The following SYNE2 variants were observed in gnomAD, a reference collection of about 807,000 sequenced individuals.
SYNE2 encodes the protein spectrin repeat containing nuclear envelope protein 2.
Under a neutral mutation model 856.3 loss-of-function variants are expected in SYNE2, and 431 were observed. The observed-to-expected ratio is 0.50, with a 90% CI of 0.47 to 0.55. The LOEUF (loss-of-function observed/expected upper bound fraction) is 0.55, where lower values mean the gene tolerates loss of function less well. SYNE2 is among the 20% of genes least tolerant of loss of function. The probability of loss-of-function intolerance (pLI) is 0.00; values close to 1 mark genes in which losing one functional copy is unlikely to be tolerated. For missense variants in SYNE2, 8,129 were observed against 8,023.2 expected, an observed-to-expected ratio of 1.01 and a Z score of -0.50; for synonymous variants, 2,923 against 2,872.3, an observed-to-expected ratio of 1.02 and a Z score of -0.56.
intron 2 of SYNE2, among the ~76,000 whole-genome samples, chr14:63,924,444 G>T (rs1192079578): frequency 6.6e-6 from 1 of 152,116 alleles, no homozygotes; most frequent in African/African-American, 2.4e-5. Flanking sequence ...TGTAGATCAA[G>T]TTGGAAAGTA....
At position 64,006,738 on chromosome 14, in the gene SYNE2, G is replaced by A. The variant is rs4310765; in HGVS notation, c.4398-305G>A. 0.38 allele frequency among the ~76,000 whole-genome samples: 58,032 copies of A among 151,898 alleles called. 11,311 individuals carry two copies. Among genetic ancestry groups the A allele is most frequent in the African/African-American group, 0.43 (17,806 of 41,396 alleles). On this transcript the variant is annotated intron_variant, in intron 30 of 115. Coordinates refer to ENST00000555002, the MANE Select transcript of SYNE2 (RefSeq NM_182914.3). ...AGCTGTTCGGGAGACTGAGGTGGGAGGATCACTTGAGCCTGGGAGGTTGAG... is the reference window on the plus strand; with the variant it reads ...AGCTGTTCGGGAGACTGAGGTGGGAAGATCACTTGAGCCTGGGAGGTTGAG...
chr14:63,943,615 G>C (rs1389036767), intron 6 of SYNE2, among the ~76,000 whole-genome samples: 1 of 151,756 alleles, frequency 6.6e-6, no homozygotes, highest in East Asian at 2.0e-4. Flanking sequence ...ATTGGAGAGA[G>C]AAAGAGGCTT....
chr14:63,803,584 G>A (rs755199030), intron 1 of SYNE2, among the ~76,000 whole-genome samples: 1 of 152,200 alleles, frequency 6.6e-6, no homozygotes, highest in Non-Finnish European at 1.5e-5. Context: ...GCCCATGCCC[G>A]CCCGGAACTC....
intron 1 of SYNE2, among the ~76,000 whole-genome samples, chr14:63,880,669 T>C (rs2094838323): frequency 6.7e-6 from 1 of 150,276 alleles, no homozygotes; most frequent in South Asian, 2.1e-4. Flanking sequence ...CTATTGTCTT[T>C]AATTTTTTTT....
chr14:64,167,446 C>T (rs765035371), intron 91 of SYNE2, 49 bp from the exon 92 acceptor site: 20 of 1,614,062 alleles, frequency 1.2e-5, no homozygotes, highest in Non-Finnish European at 1.6e-5. Context: ...GGCTTCAGCT[C>T]GGGAATGGCA....
At chr14:63,892,722 G>A (rs1022513292) in intron 1 of SYNE2, among the ~76,000 whole-genome samples, 1 of 130,848 alleles carries the variant, frequency 7.6e-6, no homozygotes, top group African/African-American at 2.9e-5. Context: ...AATCCTTGGT[G>A]TACTTTCTTT....
chr14:63,789,787 A>C (rs1887666756), intron 1 of SYNE2, among the ~76,000 whole-genome samples: 1 of 133,790 alleles, frequency 7.5e-6, no homozygotes, highest in South Asian at 2.2e-4. Context: ...AAAAAAAAAA[A>C]GAAGAAGAAG....
chr14:64,093,335 G>T lies in SYNE2; in HGVS notation c.11977-14G>T, dbSNP rs2097646379. 2 of 1,613,250 alleles carry T rather than the reference G, an allele frequency of 1.2e-6. No homozygotes were observed. ...TTATGACAAAGATTCTTTTTTGTGG[G>T]GGTTATTTTATAGGTAGTCATAAAA... On this transcript the variant is annotated splice_polypyrimidine_tract_variant and intron_variant, in intron 60 of 115. Transcript: ENST00000555002.
chr14:64,004,834 C>T (rs1458519680), intron 30 of SYNE2, among the ~76,000 whole-genome samples: 1 of 152,202 alleles, frequency 6.6e-6, no homozygotes, highest in African/African-American at 2.4e-5. Context: ...GCGATTGCAC[C>T]ACTGCCCTCC....
At chr14:64,121,472 A>G (rs775417503) in intron 68 of SYNE2, among the ~76,000 whole-genome samples, 6 of 152,186 alleles carry the variant, frequency 3.9e-5, no homozygotes, top group Non-Finnish European at 7.4e-5. Flanking sequence ...GCAGCGAGCT[A>G]AGATCACACC....
At chr14:64,008,886 A>G (rs2096821760) in intron 31 of SYNE2, among the ~76,000 whole-genome samples, 1 of 152,130 alleles carries the variant, frequency 6.6e-6, no homozygotes, top group Non-Finnish European at 1.5e-5. Flanking sequence ...GCTGAGTGGC[A>G]TGACCTATTT....
chr14:64,143,620 G>C (rs1041615776), intron 82 of SYNE2, 152 bp from the exon 83 acceptor site: 1 of 774,772 alleles, frequency 1.3e-6, no homozygotes, highest in African/African-American at 1.7e-5. Flanking sequence ...GCCAACTCCT[G>C]GTGTAGGTTG....
intron 32 of SYNE2, among the ~76,000 whole-genome samples, chr14:64,015,899 T>A (rs1162687686): frequency 3.9e-5 from 6 of 152,126 alleles, no homozygotes; most frequent in African/African-American, 1.4e-4. Flanking sequence ...TTCTGTTTGA[T>A]GTATTTAAAA....
chr14:64,169,041 C>T, intron 93 of SYNE2, 70 bp downstream of exon 93: 5 of 1,229,592 alleles, frequency 4.1e-6, no homozygotes, highest in Non-Finnish European at 4.8e-6. Context: ...GGCAGGCTTT[C>T]CACCATGTGA....
rs374906011 is a variant in SYNE2, at chr14:64,143,939, G to A, written c.15474G>A (p.Leu5158=). 9.3e-6 allele frequency: 15 copies of A among 1,614,020 alleles called. No homozygotes were observed. Among genetic ancestry groups the A allele is most frequent in the Admixed American group, 1.7e-5 (1 of 60,002 alleles). ...AGTGGCACCGTGTACATGGAATGCT[G>A]AATAGAAAGGTGTGTTCCTGCGTCA... The part of the protein sequence containing the change: ...NRQWHRVHGM[L]NRKIQHLEQL... Residue 5158 remains leucine, a synonymous_variant, in exon 83 of 116, where the codon CTG becomes CTA. Coordinates refer to ENST00000555002, the MANE Select transcript of SYNE2 (RefSeq NM_182914.3).
chr14:64,109,580 G>A (rs2097792052), intron 65 of SYNE2, among the ~76,000 whole-genome samples: 1 of 152,162 alleles, frequency 6.6e-6, no homozygotes, highest in African/African-American at 2.4e-5. Context: ...ACTAATTTAT[G>A]TATGTGTGTA....
At chr14:63,956,058 G>A (rs891603682) in intron 8 of SYNE2, among the ~76,000 whole-genome samples, 1 of 152,154 alleles carries the variant, frequency 6.6e-6, no homozygotes, top group African/African-American at 2.4e-5. Context: ...GCTTTAGACA[G>A]AACATATTTT....
chr14:64,213,039 G>A (rs1487343983), intron 105 of SYNE2, 34 bp downstream of exon 105: 2 of 1,611,154 alleles, frequency 1.2e-6, no homozygotes, highest in Non-Finnish European at 1.7e-6. Context: ...TGGCACCTGG[G>A]CTGCTCAGAG....
intron 87 of SYNE2, among the ~76,000 whole-genome samples, chr14:64,160,399 G>T (rs1376404717): frequency 6.6e-6 from 1 of 152,200 alleles, no homozygotes; most frequent in Non-Finnish European, 1.5e-5. Context: ...GCTAATAGTA[G>T]TTACCTCTAG....
Sources: gnomAD v4.1 joint callset for allele counts (sites outside exome capture counted in the v4.1 genomes callset) on GRCh38, gnomAD v4.1.1 for gene constraint, MANE v1.5 for transcripts, NCBI Gene and HGNC (gene_info 2026-07-23, HGNC 2026-07-21) for gene names.